Variants in ABR observed in about 807,000 individuals in gnomAD.
The protein encoded by ABR is active breakpoint cluster region-related protein.
Under a neutral mutation model 107.2 loss-of-function variants are expected in ABR, and 35 were observed. The observed-to-expected ratio is 0.33, with a 90% CI of 0.25 to 0.43. ABR has a LOEUF of 0.43. Among genes scored for constraint, ABR ranks in the 20% least tolerant of loss-of-function variants. The pLI is 1.00. For missense variants in ABR, 815 were observed against 1,115.2 expected (o/e 0.73, Z 3.83); for synonymous variants, 498 against 462.0 (o/e 1.08, Z -1.00).
chr17:1,071,291 GCT>G lies in ABR; in HGVS notation c.895-1203_895-1202del, dbSNP rs1371596897. Among the ~76,000 whole-genome samples the G allele has an allele frequency of 2.0e-5, 3 of 152,272 alleles. No homozygotes were observed. Among genetic ancestry groups the G allele is most frequent in the African/African-American group, 4.8e-5 (2 of 41,554 alleles). On this transcript the variant is annotated intron_variant, in intron 8 of 22. Transcript: ENST00000302538. This position sits in a 1 kb window ranked among gnomAD's most constrained non-coding sequence, Gnocchi z 5.1. ...CAGCACCAGGAGCCGCACGGAATCG[GCT>G]CTCTCTGCCCAGTGGACACTGTCCA...
At chr17:1,116,294 GAAAC>G (rs2038982608) in intron 2 of ABR, among the ~76,000 whole-genome samples, 1 of 151,966 alleles carries the variant, frequency 6.6e-6, no homozygotes, top group Non-Finnish European at 1.5e-5. Flanking sequence ...TTTATACAGT[GAAAC>G]AAATAAACTA....
At chr17:1,160,301 C>G (rs962327250) in intron 1 of ABR, among the ~76,000 whole-genome samples, 1 of 151,836 alleles carries the variant, frequency 6.6e-6, no homozygotes, top group Non-Finnish European at 1.5e-5. Context: ...CACACACACA[C>G]ACACACAAAA....
intron 10 of ABR, among the ~76,000 whole-genome samples, chr17:1,059,154 C>A (rs1278878022): frequency 5.3e-5 from 8 of 152,084 alleles, no homozygotes; most frequent in Non-Finnish European, 1.2e-4. Flanking sequence ...ACCTGACGCT[C>A]ACTCGCCAAG....
intron 2 of ABR, among the ~76,000 whole-genome samples, chr17:1,103,498 A>G (rs1320869456): frequency 6.6e-6 from 1 of 152,136 alleles, no homozygotes; most frequent in African/African-American, 2.4e-5. Context: ...GTAACTGTAG[A>G]GCTGGTTGGA....
intron 4 of ABR, among the ~76,000 whole-genome samples, chr17:1,090,594 G>A (rs532609634): frequency 1.1e-4 from 16 of 152,180 alleles, no homozygotes; most frequent in Non-Finnish European, 1.9e-4. Context: ...GACAGGAAGC[G>A]GAGCAGGTGA....
chr17:1,066,822 C>A (rs766745440), intron 10 of ABR, among the ~76,000 whole-genome samples: 4 of 152,184 alleles, frequency 2.6e-5, no homozygotes, highest in Non-Finnish European at 4.4e-5. Flanking sequence ...AGCCACTGCG[C>A]CTGGCTACTT....
intron 1 of ABR, among the ~76,000 whole-genome samples, chr17:1,169,371 G>C (rs571798951): frequency 6.6e-6 from 1 of 152,214 alleles, no homozygotes; most frequent in Non-Finnish European, 1.5e-5. Flanking sequence ...ATGTGAGAAC[G>C]CTCGCTCTAC....
chr17:1,066,096 C>G (rs1208610709), intron 10 of ABR, among the ~76,000 whole-genome samples: 2 of 152,112 alleles, frequency 1.3e-5, no homozygotes, highest in African/African-American at 4.8e-5. Flanking sequence ...CCAGGCTGAT[C>G]TTGAATTCCT....
At chr17:1,147,396 T>A (rs570728662) in intron 1 of ABR, among the ~76,000 whole-genome samples, 1 of 151,450 alleles carries the variant, frequency 6.6e-6, no homozygotes, top group African/African-American at 2.4e-5. Context: ...AGTCTCACTC[T>A]GTCGCCCAGC....
chr17:1,099,650 G>A (rs1269797762), intron 3 of ABR, among the ~76,000 whole-genome samples: 1 of 152,164 alleles, frequency 6.6e-6, no homozygotes, highest in Non-Finnish European at 1.5e-5. Context: ...ACACATCTAA[G>A]GAGCACTTTC....
At chr17:1,041,203 C>T (rs1487546399) in intron 16 of ABR, among the ~76,000 whole-genome samples, 3 of 152,070 alleles carry the variant, frequency 2.0e-5, no homozygotes, top group African/African-American at 7.2e-5. Flanking sequence ...CAGGCATGAA[C>T]CACCGTGCCT....
At chr17:1,006,253 C>T in intron 22 of ABR, 84 bp from the exon 23 acceptor site, 1 of 1,245,100 alleles carries the variant, frequency 8.0e-7, no homozygotes, top group Non-Finnish European at 1.1e-6. Context: ...GCCCCTCCCA[C>T]TCCCTAGACT....
At position 1,078,395 on chromosome 17, in the gene ABR, G is replaced by A. The variant is rs542231871; in HGVS notation, c.700+935C>T. ...TCTGGCTCGCGCTGGCACCCTCTCG[G>A]CTGGCAACGCCGCCGTCCGGACCAT... On this transcript the variant is annotated intron_variant, in intron 6 of 22. Coordinates refer to ENST00000302538, the MANE Select transcript of ABR (RefSeq NM_021962.5). The surrounding 1 kb of genome is among the most constrained non-coding windows in gnomAD (Gnocchi z 7.5). Among the ~76,000 whole-genome samples, 1 of 152,240 alleles carries A rather than the reference G, an allele frequency of 6.6e-6. No individual in the cohort carries two copies. Among genetic ancestry groups the A allele is most frequent in the East Asian group, 1.9e-4 (1 of 5,154 alleles).
At position 1,158,852 on chromosome 17, in the gene ABR, G is replaced by A. The variant is rs73975659; in HGVS notation, c.61+20815C>T. 1.9e-3 allele frequency among the ~76,000 whole-genome samples: 292 copies of A among 152,220 alleles called. 1 individual carries two copies. Among genetic ancestry groups the A allele is most frequent in the African/African-American group, 6.7e-3 (277 of 41,528 alleles). On this transcript the variant is annotated intron_variant, in intron 1 of 22. Coordinates refer to ENST00000302538, the MANE Select transcript of ABR (RefSeq NM_021962.5). ...CACAGAGGGCTGGCATGGGAGTGGC[G>A]GAGGTAGAATAAAAACCCAGATCTC...
At chr17:1,055,765 G>C (rs922327047) in intron 14 of ABR, 4 of 399,576 alleles carry the variant, frequency 1.0e-5, no homozygotes, top group African/African-American at 8.0e-5. Flanking sequence ...CTGACCTCGT[G>C]ATCCGCCCGC....
intron 1 of ABR, among the ~76,000 whole-genome samples, chr17:1,164,404 C>T (rs2041422338): frequency 7.0e-6 from 1 of 143,646 alleles, no homozygotes; most frequent in Admixed American, 6.8e-5. Context: ...GACGCAGGGA[C>T]CCCAGATAAA....
Position 1,072,715 on chromosome 17 carries a change from G to A in ABR, c.793C>T (p.Pro265Ser), listed in dbSNP as rs769587173. The A allele has an allele frequency of 5.6e-6, 9 of 1,613,814 alleles. No individual in the cohort carries two copies. The highest frequency in any genetic ancestry group is 2.2e-5 in the East Asian group (1 of 44,866). ...ATGCGGAGGGCATCCTGCAGCAGCG[G>A]GTAGTCGGGGTGGTCCACAGGTGTG... is the stretch of plus-strand genomic sequence containing the variant. ...KHTPVDHPDY[P>S]LLQDALRISQ... Residue 265 changes from proline to serine, a missense_variant, in exon 8 of 23, where the codon CCG becomes TCG. Pro to Ser is a moderately conservative substitution (Grantham distance 74). Coordinates refer to ENST00000302538, the MANE Select transcript of ABR (RefSeq NM_021962.5).
At chr17:1,193,857 A>AT (rs760326185) in intron 1 of ABR, among the ~76,000 whole-genome samples, 116 of 146,204 alleles carry the variant, frequency 7.9e-4, no homozygotes, top group East Asian at 5.8e-3. Flanking sequence ...CGCCCAGCTA[A>AT]TTTTTTTTTT....
At chr17:1,175,220 T>C (rs149541053) in intron 1 of ABR, among the ~76,000 whole-genome samples, 1,993 of 152,202 alleles carry the variant, frequency 0.013, 57 homozygotes, top group East Asian at 0.096. Context: ...GAGGCCAGCC[T>C]GGCCAACATG....
Sources: gnomAD v4.1 joint callset for allele counts (sites outside exome capture counted in the v4.1 genomes callset) on GRCh38, gnomAD v4.1.1 for gene constraint, Gnocchi (gnomAD v3.1) non-coding constraint, MANE v1.5 for transcripts, NCBI Gene and HGNC (gene_info 2026-07-23, HGNC 2026-07-21) for gene names.